Variants in MN1 observed in about 807,000 individuals in gnomAD.
MN1 encodes MN1 proto-oncogene, transcriptional regulator.
Under a neutral mutation model 86.9 loss-of-function variants are expected in MN1, and 19 were observed. The observed-to-expected ratio is 0.22, with a 90% CI of 0.15 to 0.32. The LOEUF is 0.32. MN1 is among the 10% of genes least tolerant of loss of function. MN1 has a pLI of 1.00. For synonymous variants in MN1, 928 were observed against 849.6 expected, an observed-to-expected ratio of 1.09 and a Z score of -1.60; for missense variants, 1,841 against 1,862.0, an observed-to-expected ratio of 0.99 and a Z score of 0.21.
At chr22:27,788,132 CAA>C (rs1441368911) in intron 1 of MN1, among the ~76,000 whole-genome samples, 2 of 152,196 alleles carry the variant, frequency 1.3e-5, no homozygotes, top group African/African-American at 4.8e-5. Context: ...TCGCGAACCC[CAA>C]GAGTCAGTAA....
intron 1 of MN1, among the ~76,000 whole-genome samples, chr22:27,760,504 G>A (rs1399212642): frequency 7.2e-6 from 1 of 138,874 alleles, no homozygotes; most frequent in African/African-American, 3.2e-5. Context: ...GCAAGACCCT[G>A]TCTCTAAAAA....
At chr22:27,782,151 A>T (rs1255874249) in intron 1 of MN1, among the ~76,000 whole-genome samples, 8 of 152,152 alleles carry the variant, frequency 5.3e-5, no homozygotes, top group Non-Finnish European at 1.5e-5. Context: ...CTACCATCCC[A>T]CTGCTAGGAA....
At position 27,749,335 on chromosome 22, in the gene MN1, G is replaced by A. The variant is rs933956024; in HGVS notation, c.*1580C>T. 5 of 232,112 alleles carry A rather than the reference G, an allele frequency of 2.2e-5. No homozygotes were observed. The highest frequency in any genetic ancestry group is 4.3e-5 in the Non-Finnish European group (5 of 117,420). 14.4% of individuals were successfully genotyped at this position (232,112 alleles called of 1,614,324 possible). A position where few individuals can be genotyped will look rare whatever the true frequency, so the allele number is the denominator to read the frequency against. On this transcript the variant is annotated 3_prime_UTR_variant, in exon 2 of 2. Coordinates refer to ENST00000302326, the MANE Select transcript of MN1 (RefSeq NM_002430.3). ...TCTGCAAACTCTGAGGACCTGGAGGGGGTGGGGGAGCTCAAAGTGGAGCGT... is the reference window on the plus strand; with the variant it reads ...TCTGCAAACTCTGAGGACCTGGAGGAGGTGGGGGAGCTCAAAGTGGAGCGT...
chr22:27,771,391 C>T (rs947954727), intron 1 of MN1, among the ~76,000 whole-genome samples: 1 of 151,848 alleles, frequency 6.6e-6, no homozygotes, highest in Non-Finnish European at 1.5e-5. Flanking sequence ...CCATGCTTGG[C>T]TAATTTTTTA....
intron 1 of MN1, among the ~76,000 whole-genome samples, chr22:27,787,070 GCTT>G (rs1256728648): frequency 6.6e-6 from 1 of 152,194 alleles, no homozygotes; most frequent in Non-Finnish European, 1.5e-5. Context: ...CTTTGCATGA[GCTT>G]CTTCTTGGGG....
intron 1 of MN1, among the ~76,000 whole-genome samples, chr22:27,779,797 G>A (rs541216638): frequency 2.0e-5 from 3 of 152,124 alleles, no homozygotes; most frequent in Admixed American, 6.5e-5. Context: ...ACACCTCCTC[G>A]GGCTGGCCCC....
chr22:27,760,828 G>A (rs576675428), intron 1 of MN1, among the ~76,000 whole-genome samples: 9 of 152,328 alleles, frequency 5.9e-5, no homozygotes, highest in Admixed American at 5.9e-4. Context: ...TCGAGAAAAG[G>A]AAAAGGGAAA....
At position 27,750,201 on chromosome 22, in the gene MN1, CAA is replaced by C. The variant is rs1932751549; in HGVS notation, c.*712_*713del. ...GCTTCCAGCAGGAGAAGAGAGAACTCAAGTGGAAGGGAACTGAAGGCTGAGCA... is the reference window on the plus strand; with the variant it reads ...GCTTCCAGCAGGAGAAGAGAGAACTCGTGGAAGGGAACTGAAGGCTGAGCA... On this transcript the variant is annotated 3_prime_UTR_variant, in exon 2 of 2. Transcript: ENST00000302326. The C allele has an allele frequency of 4.3e-5, 10 of 231,694 alleles. No individual in the cohort carries two copies. In the East Asian group the frequency reaches 6.1e-4, roughly 14 times the overall value. The allele number at this position is 231,694 out of a possible 1,614,324, so 14.4% of individuals were successfully genotyped here. A position where few individuals can be genotyped will look rare whatever the true frequency, so the allele number is the denominator to read the frequency against.
chr22:27,764,365 G>A (rs1486798900), intron 1 of MN1, among the ~76,000 whole-genome samples: 1 of 152,198 alleles, frequency 6.6e-6, no homozygotes. Flanking sequence ...GGGCTGGCCA[G>A]GTGCCCAAGG....
chr22:27,775,926 A>T (rs1301990630), intron 1 of MN1, among the ~76,000 whole-genome samples: 1 of 150,986 alleles, frequency 6.6e-6, no homozygotes, highest in African/African-American at 2.5e-5. Flanking sequence ...TCCCAGCCGC[A>T]CTTGCATTTA....
Position 27,798,910 on chromosome 22 carries a change from T to A in MN1, c.1634A>T (p.Gln545Leu), listed in dbSNP as rs750264301. Residue 545 changes from glutamine (Q) to leucine (L), a missense_variant, in exon 1 of 2, where the codon CAG becomes CTG. Coordinates refer to ENST00000302326, the MANE Select transcript of MN1 (RefSeq NM_002430.3). Reference sequence around the variant, plus strand: ...GTTTTGGCGCTGCTGCTGCTGCTGCTGTTGCTGTTGCTGTTGCTGCTGCTG... The same window carrying A: ...GTTTTGGCGCTGCTGCTGCTGCTGCAGTTGCTGTTGCTGTTGCTGCTGCTG... ...QQQQQQQQQQ[Q>L]QQQQQRQNAA... 22 of 1,451,020 alleles carry A rather than the reference T, an allele frequency of 1.5e-5. No homozygotes were observed. Among genetic ancestry groups the A allele is most frequent in the Non-Finnish European group, 2.0e-5 (22 of 1,073,564 alleles). The allele number at this position is 1,451,020 out of a possible 1,614,324, so 89.9% of individuals were successfully genotyped here.
At position 27,796,932 on chromosome 22, in the gene MN1, G is replaced by A. The variant is rs61733428; in HGVS notation, c.3612C>T (p.Ser1204=). The A allele has an allele frequency of 1.2e-6, 2 of 1,612,638 alleles. No individual in the cohort carries two copies. Among genetic ancestry groups the A allele is most frequent in the Non-Finnish European group, 1.7e-6 (2 of 1,179,906 alleles). The part of the protein sequence containing the change: ...NGDSELGSCC[S]EAVKSAMSTI... The stretch of plus-strand genomic sequence containing the variant: ...TGCTCATGGCGCTCTTGACCGCCTC[G>A]GAGCAGCAGCTGCCCAGCTCGCTGT... Residue 1204 remains serine, a synonymous_variant, in exon 1 of 2, where the codon TCC becomes TCT. Transcript: ENST00000302326.
At chr22:27,786,564 A>T in intron 1 of MN1, among the ~76,000 whole-genome samples, 1 of 152,166 alleles carries the variant, frequency 6.6e-6, no homozygotes, top group Non-Finnish European at 1.5e-5. Flanking sequence ...TCTGGCCCAC[A>T]CGAGTGCTCA....
At chr22:27,781,459 G>C (rs748427288) in intron 1 of MN1, among the ~76,000 whole-genome samples, 1 of 152,088 alleles carries the variant, frequency 6.6e-6, no homozygotes, top group African/African-American at 2.4e-5. Context: ...GTATGCCCTG[G>C]GGGGGGCAAT....
chr22:27,788,817 T>C (rs189132674), intron 1 of MN1, among the ~76,000 whole-genome samples: 1 of 152,186 alleles, frequency 6.6e-6, no homozygotes, highest in Non-Finnish European at 1.5e-5. Context: ...CCAGGCACAC[T>C]GGGGCCCTCA....
At chr22:27,765,284 T>C (rs535312587) in intron 1 of MN1, among the ~76,000 whole-genome samples, 1 of 152,228 alleles carries the variant, frequency 6.6e-6, no homozygotes, top group Non-Finnish European at 1.5e-5. Context: ...CTGTCACTTT[T>C]AGGGAGTCAG....
intron 1 of MN1, among the ~76,000 whole-genome samples, chr22:27,762,904 T>C (rs1446944972): frequency 1.3e-5 from 2 of 151,720 alleles, no homozygotes; most frequent in African/African-American, 4.9e-5. Context: ...TTCAAGACCA[T>C]CCTAGGCAAC....
rs577247401 is a variant in MN1, at chr22:27,787,030, G to A, written c.3781+9733C>T. On this transcript the variant is annotated intron_variant, in intron 1 of 1. Transcript: ENST00000302326. ...AAATTGACCGCATGGAGATCAATAC[G>A]CGTCTACTTCAAACTGAACGAGGCC... Among the ~76,000 whole-genome samples the A allele has an allele frequency of 7.2e-5, 11 of 152,302 alleles. No homozygotes were observed. The South Asian group carries it at 2.1e-3, about 29-fold the overall frequency.
intron 1 of MN1, among the ~76,000 whole-genome samples, chr22:27,786,618 C>T (rs1933137159): frequency 2.6e-5 from 4 of 152,264 alleles, no homozygotes; most frequent in Admixed American, 6.5e-5. Context: ...CTCTCAGGGT[C>T]GGAGAACCAA....
Sources: gnomAD v4.1 joint callset for allele counts (sites outside exome capture counted in the v4.1 genomes callset) on GRCh38, gnomAD v4.1.1 for gene constraint, MANE v1.5 for transcripts, NCBI Gene and HGNC (gene_info 2026-07-23, HGNC 2026-07-21) for gene names.